The following REDIC1 variants were observed in gnomAD, a reference collection of about 807,000 sequenced individuals.
REDIC1 encodes the protein regulator of DNA class I crossover intermediates 1.
chr12:39,649,241 A>G, the REDIC1 span, among the ~76,000 whole-genome samples: 1 of 151,948 alleles, frequency 6.6e-6, no homozygotes, highest in Non-Finnish European at 1.5e-5. Flanking sequence ...TCACATCATG[A>G]AATACTAGGG....
At chr12:39,637,313 A>T in the REDIC1 span, among the ~76,000 whole-genome samples, 1 of 152,058 alleles carries the variant, frequency 6.6e-6, no homozygotes, top group Admixed American at 6.6e-5. Flanking sequence ...TGTTCATTCA[A>T]ACTTTCATTG....
chr12:39,741,619 G>A, the REDIC1 span, among the ~76,000 whole-genome samples: 2 of 152,204 alleles, frequency 1.3e-5, no homozygotes, highest in African/African-American at 2.4e-5. Flanking sequence ...TCTTGAGTAC[G>A]TGGTCCCACA....
chr12:39,643,744 T>C, the REDIC1 span: 1 of 1,392,174 alleles, frequency 7.2e-7, no homozygotes, highest in Non-Finnish European at 9.9e-7. Flanking sequence ...AAACCGCATA[T>C]TTGCTGCATT....
At chr12:39,712,911 A>T in the REDIC1 span, among the ~76,000 whole-genome samples, 4 of 146,990 alleles carry the variant, frequency 2.7e-5, no homozygotes, top group African/African-American at 7.4e-5. Context: ...GTATATACGT[A>T]TATACATATG....
At chr12:39,698,815 A>G in the REDIC1 span, among the ~76,000 whole-genome samples, 1 of 152,216 alleles carries the variant, frequency 6.6e-6, no homozygotes, top group Non-Finnish European at 1.5e-5. Context: ...ACAATATACC[A>G]AAACCTGTGG....
At chr12:39,856,589 G>A in the REDIC1 span, among the ~76,000 whole-genome samples, 3 of 152,174 alleles carry the variant, frequency 2.0e-5, no homozygotes, top group Middle Eastern at 3.4e-3. Flanking sequence ...GGATGGTCTC[G>A]ATCTCTTGAC....
At chr12:39,708,984 T>A in the REDIC1 span, among the ~76,000 whole-genome samples, 1 of 152,000 alleles carries the variant, frequency 6.6e-6, no homozygotes, top group Admixed American at 6.6e-5. Flanking sequence ...TGAGTAGTCC[T>A]GTCTGAGAAC....
At chr12:39,686,852 G>C in the REDIC1 span, among the ~76,000 whole-genome samples, 1 of 152,146 alleles carries the variant, frequency 6.6e-6, no homozygotes, top group Admixed American at 6.5e-5. Flanking sequence ...TGAAGCAGCT[G>C]GTCCATATCT....
At chr12:39,764,357 CA>C in the REDIC1 span, 1 of 1,105,782 alleles carries the variant, frequency 9.0e-7, no homozygotes, top group Non-Finnish European at 1.2e-6. Context: ...CTTATAACAG[CA>C]AAATATAACC....
At chr12:39,666,046 T>C in the REDIC1 span, among the ~76,000 whole-genome samples, 9 of 152,084 alleles carry the variant, frequency 5.9e-5, no homozygotes, top group Non-Finnish European at 1.0e-4. Context: ...TCCTACTTGA[T>C]TATCCTTTAT....
chr12:39,630,396 A>G, the REDIC1 span, among the ~76,000 whole-genome samples: 2 of 152,190 alleles, frequency 1.3e-5, no homozygotes, highest in African/African-American at 4.8e-5. Context: ...AGAAAGGCCT[A>G]GGCAAAGTTC....
chr12:39,865,550 T>A, the REDIC1 span, among the ~76,000 whole-genome samples: 1 of 152,218 alleles, frequency 6.6e-6, no homozygotes, highest in African/African-American at 2.4e-5. Flanking sequence ...AAAGAATAAT[T>A]TTTGTGTCCC....
the REDIC1 span, among the ~76,000 whole-genome samples, chr12:39,699,748 G>A: frequency 3.9e-5 from 6 of 152,226 alleles, no homozygotes; most frequent in East Asian, 1.9e-4. Flanking sequence ...AGAGATCTGA[G>A]AACAGGCAGA....
At chr12:39,826,446 T>C in the REDIC1 span, among the ~76,000 whole-genome samples, 1 of 150,432 alleles carries the variant, frequency 6.6e-6, no homozygotes, top group Non-Finnish European at 1.5e-5. Flanking sequence ...TTAGATGTAA[T>C]TTTTCTGGGT....
the REDIC1 span, among the ~76,000 whole-genome samples, chr12:39,885,660 C>T: frequency 6.6e-6 from 1 of 152,118 alleles, no homozygotes; most frequent in Non-Finnish European, 1.5e-5. Flanking sequence ...TTCTTGTCCT[C>T]CTCTGAGGAA....
At chr12:39,711,771 G>GCACATGCATGTGTGTGTGTGTGTA in the REDIC1 span, among the ~76,000 whole-genome samples, 1 of 104,734 alleles carries the variant, frequency 9.5e-6, no homozygotes, top group Non-Finnish European at 1.9e-5. Flanking sequence ...ATGTGTGTGT[G>GCACATGCATGTGTGTGTGTGTGTA]CACATGCATG....
At chr12:39,852,915 TA>T in the REDIC1 span, among the ~76,000 whole-genome samples, 220 of 152,296 alleles carry the variant, frequency 1.4e-3, no homozygotes, top group African/African-American at 5.1e-3. Flanking sequence ...GGGTGTAAAC[TA>T]AATAGCCAAT....
At chr12:39,626,258 G>A in the REDIC1 span, 17 of 1,545,120 alleles carry the variant, frequency 1.1e-5, no homozygotes, top group African/African-American at 1.8e-4. Flanking sequence ...GGGGGATCCT[G>A]CTGAAGCTGC....
the REDIC1 span, among the ~76,000 whole-genome samples, chr12:39,866,059 G>T: frequency 6.6e-6 from 1 of 152,212 alleles, no homozygotes; most frequent in African/African-American, 2.4e-5. Flanking sequence ...GTGTTAGTTT[G>T]TACAACTTAT....
Sources: gnomAD v4.1 joint callset for allele counts (sites outside exome capture counted in the v4.1 genomes callset) on GRCh38, gnomAD v4.1.1 for gene constraint, MANE v1.5 for transcripts, NCBI Gene and HGNC (gene_info 2026-07-23, HGNC 2026-07-21) for gene names.